ADNP: variants seen among roughly 807,000 people sequenced by gnomAD.
ADNP encodes activity-dependent neuroprotector homeobox protein.
ADNP carries 4 observed loss-of-function variants against 84.9 expected under a neutral mutation model. The ratio of observed to expected loss-of-function variants is 0.05; its 90% CI spans 0.02 to 0.11. The LOEUF is 0.11. Among genes scored for constraint, ADNP ranks in the 10% least tolerant of loss-of-function variants. The probability of loss-of-function intolerance (pLI) is 1.00; values close to 1 mark genes in which losing one functional copy is unlikely to be tolerated. For synonymous variants in ADNP, 554 were observed against 468.1 expected (o/e 1.18, Z -2.37); for missense variants, 1,132 against 1,326.0 (o/e 0.85, Z 2.27).
At chr20:50,925,290 A>T (rs1231968240) in intron 2 of ADNP, among the ~76,000 whole-genome samples, 1 of 150,730 alleles carries the variant, frequency 6.6e-6, no homozygotes, top group Non-Finnish European at 1.5e-5. Context: ...ACACACACAC[A>T]CTACATAATC....
chr20:50,897,460 T>G (rs974218627), intron 5 of ADNP, among the ~76,000 whole-genome samples: 1 of 152,184 alleles, frequency 6.6e-6, no homozygotes, highest in African/African-American at 2.4e-5. Context: ...CCGGTTAAAG[T>G]TGTTTGCCAT....
At chr20:50,923,414 A>G (rs1984083952) in intron 2 of ADNP, among the ~76,000 whole-genome samples, 1 of 152,246 alleles carries the variant, frequency 6.6e-6, no homozygotes, top group Non-Finnish European at 1.5e-5. Context: ...CACCGAAGGT[A>G]GCTTTTCAAA....
At chr20:50,907,197 C>CGTGATCCGCCCATCTT (rs745376114) in intron 2 of ADNP, among the ~76,000 whole-genome samples, 3 of 151,530 alleles carry the variant, frequency 2.0e-5, no homozygotes, top group South Asian at 2.1e-4. Flanking sequence ...GATCTGACCT[C>CGTGATCCGCCCATCTT]GTGATCCGCC....
chr20:50,910,665 A>G (rs1196354844), intron 2 of ADNP, among the ~76,000 whole-genome samples: 1 of 152,024 alleles, frequency 6.6e-6, no homozygotes, highest in African/African-American at 2.4e-5. Context: ...AATTATTATT[A>G]TTTTTGAGAA....
At chr20:50,911,418 A>C (rs1983021686) in intron 2 of ADNP, among the ~76,000 whole-genome samples, 1 of 152,186 alleles carries the variant, frequency 6.6e-6, no homozygotes. Flanking sequence ...GCACTATGGC[A>C]ATCCAATTTT....
intron 2 of ADNP, among the ~76,000 whole-genome samples, chr20:50,919,308 T>C (rs1054790616): frequency 1.5e-5 from 2 of 137,142 alleles, no homozygotes; most frequent in Non-Finnish European, 3.0e-5. Flanking sequence ...TATATATATA[T>C]ATATATATGT....
At chr20:50,914,385 A>G in intron 2 of ADNP, 1 of 598,436 alleles carries the variant, frequency 1.7e-6, no homozygotes, top group Non-Finnish European at 3.1e-6. Context: ...ACTCAAGAGA[A>G]TGGTAGAAGG....
chr20:50,925,513 G>A (rs1254087829), intron 2 of ADNP, among the ~76,000 whole-genome samples: 4 of 152,044 alleles, frequency 2.6e-5, no homozygotes, highest in Non-Finnish European at 4.4e-5. Flanking sequence ...CTAATAAACA[G>A]GATCAGACAA....
intron 2 of ADNP, among the ~76,000 whole-genome samples, chr20:50,906,805 G>T (rs905280443): frequency 6.6e-6 from 1 of 152,104 alleles, no homozygotes; most frequent in African/African-American, 2.4e-5. Flanking sequence ...TTCAGCCACA[G>T]AGTTGGTGTT....
chr20:50,892,589 A>C lies in ADNP; in HGVS notation c.2125T>G (p.Ser709Ala). The change falls in exon 6 of 6, where the codon TCT becomes GCT. Residue 709 changes from serine (S) to alanine (A), a missense_variant. Ser to Ala is a moderately conservative substitution (Grantham distance 99). Transcript: ENST00000621696. Reference sequence around the variant, plus strand: ...CGCTTCACAGGTGCCAGACTTGGAGACTGATTAAGCCGAGAGGGTGCATTT... The same window carrying C: ...CGCTTCACAGGTGCCAGACTTGGAGCCTGATTAAGCCGAGAGGGTGCATTT... ...KTNAPSRLNQ[S>A]PSLAPVKRTY... The C allele has an allele frequency of 1.2e-6, 2 of 1,614,180 alleles. No homozygotes were observed. The highest frequency in any genetic ancestry group is 1.1e-5 in the South Asian group (1 of 91,086).
rs762815251 is a variant in ADNP, at chr20:50,891,383, CCAA to C, written c.*19_*21del. The stretch of plus-strand genomic sequence containing the variant: ...CAGAGTTCCAGGCTGCAGCATGTCA[CCAA>C]CGCCAGGGAACCTGGCACTTAGGCC... On this transcript the variant is annotated 3_prime_UTR_variant, in exon 6 of 6. Transcript: ENST00000621696. 3.8e-6 allele frequency: 6 copies of C among 1,567,338 alleles called. No homozygotes were observed. The highest frequency in any genetic ancestry group is 2.2e-5 in the East Asian group (1 of 44,572).
intron 3 of ADNP, 131 bp from the exon 4 acceptor site, chr20:50,904,132 T>C (rs781121357): frequency 1.7e-5 from 11 of 658,778 alleles, no homozygotes; most frequent in Non-Finnish European, 2.6e-5. Context: ...TCATCTAGTG[T>C]GTACACACAC....
In ADNP at chr20:50,931,320, G is replaced by T; in HGVS notation, c.-759C>A. On this transcript the variant is annotated 5_prime_UTR_variant, in exon 1 of 6. Coordinates refer to ENST00000621696, the MANE Select transcript of ADNP (RefSeq NM_001282531.3). ...GCGGAGGGGAGACCGGGCCGGCGGAGGCGGCGGCGGCAACGGGCGGGGGAG... is the reference window on the plus strand; with the variant it reads ...GCGGAGGGGAGACCGGGCCGGCGGATGCGGCGGCGGCAACGGGCGGGGGAG... 6.7e-6 allele frequency: 1 copy of T among 149,020 alleles called. No homozygotes were observed. The highest frequency in any genetic ancestry group is 1.9e-4 in the South Asian group (1 of 5,264). The allele number at this position is 149,020 out of a possible 1,614,324, so 9.2% of individuals were successfully genotyped here. A position where few individuals can be genotyped will look rare whatever the true frequency, so the allele number is the denominator to read the frequency against.
rs59771424 is a variant in ADNP, at chr20:50,916,079, A to G, written c.-89-11230T>C. 8.5e-3 allele frequency among the ~76,000 whole-genome samples: 1,291 copies of G among 152,310 alleles called. 18 individuals are homozygous for G. Among genetic ancestry groups the G allele is most frequent in the African/African-American group, 0.029 (1,215 of 41,572 alleles). On this transcript the variant is annotated intron_variant, in intron 2 of 5. Transcript: ENST00000621696. ...CAAAAATAAACACTGATTTTCTTCA[A>G]GTTTTTAACTGTTATCAATTATTTA...
At chr20:50,926,441 ATTT>A in intron 2 of ADNP, among the ~76,000 whole-genome samples, 1 of 152,110 alleles carries the variant, frequency 6.6e-6, no homozygotes, top group Admixed American at 6.5e-5. Context: ...AAAACTTCCT[ATTT>A]TTTTCTTTCA....
intron 2 of ADNP, chr20:50,905,070 G>A (rs1982342201): frequency 6.6e-6 from 1 of 151,890 alleles, no homozygotes; most frequent in African/African-American, 2.4e-5. Flanking sequence ...TGTGTCTAAG[G>A]GAACTCAAAA....
chr20:50,928,844 GA>G lies in ADNP; in HGVS notation c.-264-20del. ...CTCACACCTATGGAAATAACAAGAGGAGTAAAATCTATGGAAATCAACACAC... is the reference window on the plus strand; with the variant it reads ...CTCACACCTATGGAAATAACAAGAGGGTAAAATCTATGGAAATCAACACAC... On this transcript the variant is annotated intron_variant, in intron 1 of 5. Coordinates refer to ENST00000621696, the MANE Select transcript of ADNP (RefSeq NM_001282531.3). The G allele has an allele frequency of 6.6e-6, 1 of 152,254 alleles. No individual in the cohort carries two copies. Among genetic ancestry groups the G allele is most frequent in the Non-Finnish European group, 1.5e-5 (1 of 68,048 alleles). The allele number at this position is 152,254 out of a possible 1,614,324, so 9.4% of individuals were successfully genotyped here.
chr20:50,893,324 G>A lies in ADNP; in HGVS notation c.1390C>T (p.His464Tyr). Reference protein sequence around the residue: ...ELFPENVYSVHFEKEHKAEKV... With the variant: ...ELFPENVYSVYFEKEHKAEKV... ...TCAGCTTTATGTTCTTTTTCGAAGT[G>A]CACACTATAGACATTTTCAGGAAAA... is the stretch of plus-strand genomic sequence containing the variant. The change falls in exon 6 of 6, where the codon CAC becomes TAC. Residue 464 changes from histidine to tyrosine, a missense_variant. Physicochemically the swap from His to Tyr is moderately conservative, Grantham distance 83. Transcript: ENST00000621696. The surrounding 1 kb of genome is among the most constrained non-coding windows in gnomAD (Gnocchi z 4.4). The A allele has an allele frequency of 6.2e-7, 1 of 1,614,178 alleles. No individual in the cohort carries two copies. The highest frequency in any genetic ancestry group is 1.3e-5 in the African/African-American group (1 of 75,048).
At chr20:50,895,570 C>T (rs188457001) in intron 5 of ADNP, among the ~76,000 whole-genome samples, 7 of 152,268 alleles carry the variant, frequency 4.6e-5, no homozygotes, top group Admixed American at 3.3e-4. Context: ...AATTTTGAGA[C>T]AAAGTCTCAC....
Sources: allele counts gnomAD v4.1 joint callset (sites outside exome capture counted in the v4.1 genomes callset), GRCh38; gene constraint gnomAD v4.1.1; non-coding constraint Gnocchi (gnomAD v3.1); transcripts MANE v1.5; gene names NCBI Gene and HGNC (gene_info 2026-07-23, HGNC 2026-07-21).